The following KAT6B variants were observed in gnomAD, a reference collection of about 807,000 sequenced individuals.
The protein encoded by KAT6B is histone acetyltransferase KAT6B.
KAT6B carries 10 observed loss-of-function variants against 187.5 expected under a neutral mutation model. The ratio of observed to expected loss-of-function variants is 0.05; its 90% CI spans 0.03 to 0.09. The LOEUF (loss-of-function observed/expected upper bound fraction) is 0.09, where lower values mean the gene tolerates loss of function less well. Among genes scored for constraint, KAT6B ranks in the 10% least tolerant of loss-of-function variants. The pLI is 1.00. For synonymous variants in KAT6B, 861 were observed against 926.8 expected, an observed-to-expected ratio of 0.93 and a Z score of 1.29; for missense variants, 1,952 against 2,558.9, an observed-to-expected ratio of 0.76 and a Z score of 5.12.
chr10:74,839,551 A>G (rs867196514), intron 2 of KAT6B, among the ~76,000 whole-genome samples: 1 of 152,056 alleles, frequency 6.6e-6, no homozygotes, highest in Admixed American at 6.6e-5. Context: ...GTTTTAATGT[A>G]CGTTCGTTTG....
chr10:74,945,553 C>G (rs765482833), intron 3 of KAT6B, among the ~76,000 whole-genome samples: 28 of 152,264 alleles, frequency 1.8e-4, no homozygotes, highest in Non-Finnish European at 3.5e-4. Context: ...ACCTCCGCCT[C>G]CTGGGTTCGG....
At chr10:74,870,158 A>G (rs529342688) in intron 3 of KAT6B, among the ~76,000 whole-genome samples, 1 of 152,190 alleles carries the variant, frequency 6.6e-6, no homozygotes, top group Non-Finnish European at 1.5e-5. Flanking sequence ...ATGCCCCTGT[A>G]GTCCCAGCGA....
chr10:75,004,973 C>G (rs1200493606), intron 13 of KAT6B, among the ~76,000 whole-genome samples: 88 of 152,000 alleles, frequency 5.8e-4, no homozygotes, highest in Non-Finnish European at 3.8e-4. Context: ...CCTCGGCCTC[C>G]CAAGGCACTG....
chr10:74,838,346 AG>A (rs1226094925), intron 1 of KAT6B, among the ~76,000 whole-genome samples: 2 of 152,130 alleles, frequency 1.3e-5, no homozygotes, highest in Non-Finnish European at 2.9e-5. Flanking sequence ...CTATTTGAGT[AG>A]TAGTGGGTTT....
chr10:74,994,214 T>C (rs1388692241), intron 13 of KAT6B, among the ~76,000 whole-genome samples: 1 of 152,210 alleles, frequency 6.6e-6, no homozygotes, highest in Non-Finnish European at 1.5e-5. Flanking sequence ...TTTTGTATAA[T>C]TGTGGGTTTT....
intron 3 of KAT6B, among the ~76,000 whole-genome samples, chr10:74,844,004 G>A (rs1476455182): frequency 6.6e-6 from 1 of 151,840 alleles, no homozygotes; most frequent in Non-Finnish European, 1.5e-5. Flanking sequence ...CTCCCAAGTA[G>A]CTGGGATTAC....
At chr10:74,954,099 A>G (rs1015398539) in intron 3 of KAT6B, among the ~76,000 whole-genome samples, 1 of 152,222 alleles carries the variant, frequency 6.6e-6, no homozygotes, top group Non-Finnish European at 1.5e-5. Flanking sequence ...GAAGAGTCCC[A>G]GATCCCCAAA....
In KAT6B at chr10:74,980,691, C is replaced by A. The variant is rs1346719027; in HGVS notation, c.2232-1096C>A. ...CCATTCTTATACTCCAAAGACCTTG[C>A]AAGTGCTTCTAAACATTTTCTTATA... is the stretch of plus-strand genomic sequence containing the variant. On this transcript the variant is annotated intron_variant, in intron 10 of 17. Transcript: ENST00000287239. Among the ~76,000 whole-genome samples, 3 of 152,164 alleles carry A rather than the reference C, an allele frequency of 2.0e-5. No homozygotes were observed. The East Asian group carries it at 5.8e-4, about 29-fold the overall frequency.
intron 3 of KAT6B, among the ~76,000 whole-genome samples, chr10:74,939,459 G>A (rs1354415280): frequency 6.6e-6 from 1 of 152,034 alleles, no homozygotes; most frequent in Admixed American, 6.5e-5. Context: ...GGAGTGCAGT[G>A]GCACAATCTT....
chr10:74,831,219 T>G (rs1438577760), intron 1 of KAT6B, among the ~76,000 whole-genome samples: 1 of 152,214 alleles, frequency 6.6e-6, no homozygotes, highest in Non-Finnish European at 1.5e-5. Flanking sequence ...TTATTTACTG[T>G]GAATACAAGT....
chr10:74,825,690 G>T, upstream of KAT6B: 1 of 153,608 alleles, frequency 6.5e-6, no homozygotes, highest in South Asian at 2.0e-4. This position sits in a 1 kb window ranked among gnomAD's most constrained non-coding sequence, Gnocchi z 5.0. Flanking sequence ...CCGGGGACCC[G>T]GGTGGCCGGA....
At chr10:75,011,469 A>G (rs1039671750) in intron 13 of KAT6B, among the ~76,000 whole-genome samples, 1 of 152,208 alleles carries the variant, frequency 6.6e-6, no homozygotes, top group African/African-American at 2.4e-5. Context: ...CAGAGCATTA[A>G]CTTAGTTTGG....
chr10:74,981,410 G>T (rs940601282), intron 10 of KAT6B, among the ~76,000 whole-genome samples: 2 of 146,310 alleles, frequency 1.4e-5, no homozygotes, highest in African/African-American at 5.2e-5. Flanking sequence ...GTCTCACTCT[G>T]TTGCCCAGGC....
chr10:74,955,921 C>T (rs1289702535), intron 3 of KAT6B, among the ~76,000 whole-genome samples: 1 of 151,974 alleles, frequency 6.6e-6, no homozygotes, highest in Non-Finnish European at 1.5e-5. Context: ...TTGGTCCTGC[C>T]CCCTGCCTCC....
chr10:75,000,364 T>G (rs1001370604), intron 13 of KAT6B, among the ~76,000 whole-genome samples: 2 of 152,038 alleles, frequency 1.3e-5, no homozygotes, highest in African/African-American at 4.8e-5. Flanking sequence ...AAAAGCAACA[T>G]CCAGGCAGGT....
At chr10:74,884,397 C>T (rs535765460) in intron 3 of KAT6B, among the ~76,000 whole-genome samples, 3 of 152,298 alleles carry the variant, frequency 2.0e-5, no homozygotes, top group Non-Finnish European at 2.9e-5. Context: ...GAGACTTAGG[C>T]TGTGTTTAAA....
At chr10:74,827,678 G>T (rs1840372274) in intron 1 of KAT6B, among the ~76,000 whole-genome samples, 1 of 152,072 alleles carries the variant, frequency 6.6e-6, no homozygotes, top group Non-Finnish European at 1.5e-5. Flanking sequence ...GGATTGGTAG[G>T]GGTGGGACAA....
At chr10:74,829,494 C>G (rs536070024) in intron 1 of KAT6B, among the ~76,000 whole-genome samples, 1 of 151,510 alleles carries the variant, frequency 6.6e-6, no homozygotes, top group Non-Finnish European at 1.5e-5. Context: ...GCTCTGTTGC[C>G]CAGGCTGGAG....
At chr10:74,909,082 A>G (rs1012842899) in intron 3 of KAT6B, among the ~76,000 whole-genome samples, 7 of 152,214 alleles carry the variant, frequency 4.6e-5, no homozygotes, top group African/African-American at 1.4e-4. Flanking sequence ...CCTTATTAAA[A>G]TGTAAGTAAG....
Sources: gnomAD v4.1 joint callset for allele counts (sites outside exome capture counted in the v4.1 genomes callset) on GRCh38, gnomAD v4.1.1 for gene constraint, Gnocchi (gnomAD v3.1) non-coding constraint, MANE v1.5 for transcripts, NCBI Gene and HGNC (gene_info 2026-07-23, HGNC 2026-07-21) for gene names.